KLF12: variants seen among roughly 807,000 people sequenced by gnomAD.
KLF12 encodes Krueppel-like factor 12.
KLF12 carries 9 observed loss-of-function variants against 37.8 expected under a neutral mutation model. That is an observed-to-expected ratio of 0.24 (90% confidence interval 0.14 to 0.42). The LOEUF is 0.42. Ranked by LOEUF, KLF12 falls within the 10% of genes least tolerant of loss-of-function variation. The pLI, the probability that KLF12 is intolerant of heterozygous loss-of-function variation, is 1.00. For synonymous variants in KLF12, 208 were observed against 202.1 expected (o/e 1.03, Z -0.25); for missense variants, 411 against 516.0 (o/e 0.80, Z 1.97).
chr13:74,242,971 G>A, the KLF12 span, among the ~76,000 whole-genome samples: 1 of 152,132 alleles, frequency 6.6e-6, no homozygotes, highest in Non-Finnish European at 1.5e-5. Flanking sequence ...TTAAGTTCTA[G>A]GATACATATG....
the KLF12 span, among the ~76,000 whole-genome samples, chr13:74,169,362 G>A: frequency 2.2e-4 from 34 of 152,064 alleles, no homozygotes; most frequent in African/African-American, 7.5e-4. Context: ...TCTCATTTTT[G>A]TAGTTATTTT....
chr13:73,772,779 G>C (rs1023578812), intron 5 of KLF12, among the ~76,000 whole-genome samples: 1 of 152,142 alleles, frequency 6.6e-6, no homozygotes, highest in African/African-American at 2.4e-5. Flanking sequence ...CAGTACAGAG[G>C]GTGGTCTGAG....
chr13:73,956,463 C>T (rs1890836788), intron 2 of KLF12, among the ~76,000 whole-genome samples: 1 of 152,116 alleles, frequency 6.6e-6, no homozygotes, highest in Admixed American at 6.5e-5. Context: ...GGATGCTTAG[C>T]AGCATCCTTG....
At chr13:74,131,867 C>A (rs1878275787) in intron 1 of KLF12, among the ~76,000 whole-genome samples, 1 of 151,874 alleles carries the variant, frequency 6.6e-6, no homozygotes, top group Non-Finnish European at 1.5e-5. Context: ...TTTTTATATG[C>A]TCAAATTGCT....
intron 3 of KLF12, among the ~76,000 whole-genome samples, chr13:73,934,774 G>C (rs752898502): frequency 6.6e-6 from 1 of 151,736 alleles, no homozygotes; most frequent in Non-Finnish European, 1.5e-5. Context: ...TCTGAAAAAT[G>C]TTCAGCTTTT....
At chr13:74,069,281 G>A (rs1450793676) in intron 1 of KLF12, among the ~76,000 whole-genome samples, 1 of 152,158 alleles carries the variant, frequency 6.6e-6, no homozygotes, top group African/African-American at 2.4e-5. Flanking sequence ...GGTTCCACAG[G>A]GCAGGACTTG....
chr13:73,702,426 CTG>C (rs1384878668), intron 7 of KLF12, among the ~76,000 whole-genome samples: 1 of 152,122 alleles, frequency 6.6e-6, no homozygotes, highest in Admixed American at 6.5e-5. Flanking sequence ...ATCTGAAATG[CTG>C]AAAGGTACAT....
chr13:73,798,675 C>G (rs895034582), intron 5 of KLF12, among the ~76,000 whole-genome samples: 5 of 152,118 alleles, frequency 3.3e-5, no homozygotes, highest in Non-Finnish European at 5.9e-5. Flanking sequence ...AGTTCAATAT[C>G]ACTGATCATT....
chr13:74,008,909 T>C (rs1008885736), intron 1 of KLF12, among the ~76,000 whole-genome samples: 6 of 152,214 alleles, frequency 3.9e-5, no homozygotes, highest in South Asian at 2.1e-4. Flanking sequence ...CTTATGTCCA[T>C]TGTAACCAGC....
chr13:73,918,358 T>C (rs1198927025), intron 3 of KLF12, among the ~76,000 whole-genome samples: 1 of 152,212 alleles, frequency 6.6e-6, no homozygotes. Context: ...ACCACTGAAA[T>C]GTCTACAACT....
intron 1 of KLF12, among the ~76,000 whole-genome samples, chr13:74,086,056 T>C (rs9543525): frequency 0.39 from 19,361 of 50,238 alleles, 1,484 homozygotes; most frequent in South Asian, 0.45. Flanking sequence ...ATTTTAAAAG[T>C]GGTTTAAACT....
the KLF12 span, among the ~76,000 whole-genome samples, chr13:74,225,422 C>A: frequency 6.6e-6 from 1 of 152,178 alleles, no homozygotes; most frequent in East Asian, 1.9e-4. Context: ...ATATTCCTTG[C>A]AGATAAATCT....
the KLF12 span, among the ~76,000 whole-genome samples, chr13:74,246,415 C>A: frequency 6.6e-6 from 1 of 152,276 alleles, no homozygotes; most frequent in African/African-American, 2.4e-5. Context: ...TCGGCTTATT[C>A]CTCAGGCATA....
intron 6 of KLF12, among the ~76,000 whole-genome samples, chr13:73,751,164 C>T (rs1161825563): frequency 6.6e-6 from 1 of 152,172 alleles, no homozygotes; most frequent in African/African-American, 2.4e-5. Flanking sequence ...TAGGTTGATT[C>T]CATGACTTTA....
At chr13:73,981,451 T>C (rs1164608601) in intron 2 of KLF12, among the ~76,000 whole-genome samples, 1 of 152,170 alleles carries the variant, frequency 6.6e-6, no homozygotes, top group Non-Finnish European at 1.5e-5. Flanking sequence ...ATCTTACCTA[T>C]ACGCATCAAT....
intron 3 of KLF12, among the ~76,000 whole-genome samples, chr13:73,937,303 G>GGTC (rs1384900488): frequency 6.6e-6 from 1 of 152,150 alleles, no homozygotes; most frequent in East Asian, 1.9e-4. Context: ...CACGCTTGAT[G>GGTC]GTCCAGATTT....
intron 3 of KLF12, among the ~76,000 whole-genome samples, chr13:73,864,486 C>A (rs562352904): frequency 6.6e-6 from 1 of 151,888 alleles, no homozygotes; most frequent in Non-Finnish European, 1.5e-5. Context: ...AGATACACAA[C>A]AATTATATCA....
At chr13:73,917,158 A>G (rs1289664957) in intron 3 of KLF12, among the ~76,000 whole-genome samples, 1 of 152,240 alleles carries the variant, frequency 6.6e-6, no homozygotes, top group African/African-American at 2.4e-5. Context: ...CTGCCTTAAA[A>G]GGAAACATTC....
the KLF12 span, among the ~76,000 whole-genome samples, chr13:74,162,800 C>T: frequency 1.6e-4 from 24 of 151,902 alleles, no homozygotes; most frequent in South Asian, 1.5e-3. Flanking sequence ...GGAAAACAGC[C>T]GGAGATATGG....
Sources: gnomAD v4.1 joint callset for allele counts (sites outside exome capture counted in the v4.1 genomes callset) on GRCh38, gnomAD v4.1.1 for gene constraint, MANE v1.5 for transcripts, NCBI Gene and HGNC (gene_info 2026-07-23, HGNC 2026-07-21) for gene names.